ZEB1: variants seen among roughly 807,000 people sequenced by gnomAD.
ZEB1 encodes the protein zinc finger E-box binding homeobox 1.
ZEB1 carries 21 observed loss-of-function variants against 84.9 expected under a neutral mutation model. That is an observed-to-expected ratio of 0.25 (90% CI 0.18 to 0.36). The LOEUF is 0.36. ZEB1 is among the 10% of genes least tolerant of loss of function. The pLI, the probability that ZEB1 is intolerant of heterozygous loss-of-function variation, is 1.00. For synonymous variants in ZEB1, 420 were observed against 471.1 expected (o/e 0.89, Z 1.41); for missense variants, 1,104 against 1,330.2 (o/e 0.83, Z 2.65).
At chr10:31,408,052 G>C (rs1332492789) in intron 1 of ZEB1, among the ~76,000 whole-genome samples, 2 of 151,604 alleles carry the variant, frequency 1.3e-5, no homozygotes, top group African/African-American at 2.4e-5. Context: ...AAAGTCTCAG[G>C]ATACAAAATC....
chr10:31,470,217 G>A (rs1203114180), intron 2 of ZEB1, among the ~76,000 whole-genome samples: 6 of 152,130 alleles, frequency 3.9e-5, no homozygotes, highest in African/African-American at 1.2e-4. Context: ...GACGGAGAAC[G>A]ACTTTGACGA....
At chr10:31,357,984 A>AT (rs1453021286) in intron 1 of ZEB1, among the ~76,000 whole-genome samples, 3 of 152,154 alleles carry the variant, frequency 2.0e-5, no homozygotes, top group African/African-American at 7.2e-5. Context: ...TCTCATGGGC[A>AT]ATATAGGTTC....
intron 3 of ZEB1, among the ~76,000 whole-genome samples, chr10:31,500,744 G>A (rs1251568978): frequency 6.6e-6 from 1 of 152,148 alleles, no homozygotes; most frequent in East Asian, 1.9e-4. Context: ...GGAGAGCAGG[G>A]AGAAGAATTT....
At chr10:31,449,395 T>C (rs933047696) in intron 1 of ZEB1, among the ~76,000 whole-genome samples, 6 of 152,252 alleles carry the variant, frequency 3.9e-5, no homozygotes, top group East Asian at 3.8e-4. Flanking sequence ...CGCTGGGAGC[T>C]GTAGACTGGA....
chr10:31,455,205 G>T (rs2061057051), intron 1 of ZEB1, among the ~76,000 whole-genome samples: 2 of 152,156 alleles, frequency 1.3e-5, no homozygotes, highest in African/African-American at 4.8e-5. Context: ...AAACTGGCTA[G>T]CCATATGCAG....
intron 1 of ZEB1, among the ~76,000 whole-genome samples, chr10:31,334,689 G>A (rs1264330363): frequency 6.6e-6 from 1 of 152,074 alleles, no homozygotes; most frequent in African/African-American, 2.4e-5. Flanking sequence ...AAGATTAATA[G>A]GTGGGGAAAG....
intron 2 of ZEB1, among the ~76,000 whole-genome samples, chr10:31,485,271 T>C (rs1368620249): frequency 6.6e-6 from 1 of 151,886 alleles, no homozygotes; most frequent in Non-Finnish European, 1.5e-5. Context: ...GTGCTAAGCA[T>C]TGGGCTAAAC....
chr10:31,508,391 G>T (rs1591977159), intron 4 of ZEB1, among the ~76,000 whole-genome samples: 1 of 152,266 alleles, frequency 6.6e-6, no homozygotes, highest in East Asian at 1.9e-4. Context: ...GACACCCTCT[G>T]GTTCCCTAGT....
At chr10:31,344,177 C>T (rs955135798) in intron 1 of ZEB1, among the ~76,000 whole-genome samples, 2 of 151,982 alleles carry the variant, frequency 1.3e-5, no homozygotes, top group Non-Finnish European at 2.9e-5. Flanking sequence ...GTAATAGGCA[C>T]ATTAACTGAC....
intron 1 of ZEB1, among the ~76,000 whole-genome samples, chr10:31,426,366 G>A (rs1329152970): frequency 1.3e-5 from 2 of 151,980 alleles, no homozygotes; most frequent in Non-Finnish European, 2.9e-5. Context: ...GAGATACTTG[G>A]GGAAAAGAGG....
rs181267302 is a variant in ZEB1, at chr10:31,321,674, C to T, written c.58+2382C>T. On this transcript the variant is annotated intron_variant, in intron 1 of 8. Coordinates refer to ENST00000424869, the MANE Select transcript of ZEB1 (RefSeq NM_001174096.2). ...CCAGCGTCTGTGCAGCTGCTGTAAA[C>T]ATGTTTACCTGAACAGGAAAGAATG... is the stretch of plus-strand genomic sequence containing the variant. 4.8e-5 allele frequency: 57 copies of T among 1,178,346 alleles called. No individual in the cohort carries two copies. In the African/African-American group the frequency reaches 7.4e-4, roughly 15 times the overall value. The allele number at this position is 1,178,346 out of a possible 1,614,324, so 73.0% of individuals were successfully genotyped here.
intron 2 of ZEB1, among the ~76,000 whole-genome samples, chr10:31,490,438 A>G (rs1591808850): frequency 6.6e-6 from 1 of 151,692 alleles, no homozygotes; most frequent in Admixed American, 6.6e-5. Context: ...CAAGTTCACC[A>G]GTCTTTGCTC....
intron 1 of ZEB1, among the ~76,000 whole-genome samples, chr10:31,378,614 T>G (rs1410460187): frequency 6.6e-6 from 1 of 151,766 alleles, no homozygotes; most frequent in Non-Finnish European, 1.5e-5. Flanking sequence ...ATAAGAAAAT[T>G]CAATTAGCGT....
chr10:31,392,883 A>G (rs1020890858), intron 1 of ZEB1, among the ~76,000 whole-genome samples: 1 of 152,068 alleles, frequency 6.6e-6, no homozygotes, highest in African/African-American at 2.4e-5. Context: ...CACCCAGCCT[A>G]GAGTGCAGTG....
chr10:31,349,870 T>C (rs2041011210), intron 1 of ZEB1, among the ~76,000 whole-genome samples: 1 of 152,218 alleles, frequency 6.6e-6, no homozygotes, highest in Admixed American at 6.5e-5. Flanking sequence ...TTCTGCAGGT[T>C]GTCTCTTCAC....
intron 1 of ZEB1, among the ~76,000 whole-genome samples, chr10:31,437,379 A>T (rs1044557568): frequency 2.6e-5 from 4 of 152,210 alleles, no homozygotes; most frequent in Non-Finnish European, 5.9e-5. Flanking sequence ...TATTCATTCT[A>T]ATTTGACAAC....
At chr10:31,431,257 G>A (rs1456972422) in intron 1 of ZEB1, among the ~76,000 whole-genome samples, 2 of 152,180 alleles carry the variant, frequency 1.3e-5, no homozygotes, top group Non-Finnish European at 2.9e-5. Flanking sequence ...TACCTCTCCT[G>A]TTATTTTCCT....
chr10:31,322,577 C>T (rs74129920), intron 1 of ZEB1, among the ~76,000 whole-genome samples: 6,138 of 152,094 alleles, frequency 0.04, 402 homozygotes, highest in African/African-American at 0.14. Flanking sequence ...TAAGGTTTGG[C>T]CAAAGCATCA....
At chr10:31,319,151 G>C (rs1296608567), upstream of ZEB1, 1 of 882,030 alleles carries the variant, frequency 1.1e-6, no homozygotes. Context: ...GGGGAGGGGG[G>C]AGGGGTGGAG....
Sources: allele counts gnomAD v4.1 joint callset (sites outside exome capture counted in the v4.1 genomes callset), GRCh38; gene constraint gnomAD v4.1.1; transcripts MANE v1.5; gene names NCBI Gene and HGNC (gene_info 2026-07-23, HGNC 2026-07-21).